ATP5PF: variants seen among roughly 807,000 people sequenced by gnomAD.
The protein encoded by ATP5PF is ATP synthase peripheral stalk subunit F6, mitochondrial.
Under a neutral mutation model 12.0 loss-of-function variants are expected in ATP5PF, and 7 were observed. The observed-to-expected ratio is 0.58, with a 90% confidence interval of 0.33 to 1.10. The LOEUF (loss-of-function observed/expected upper bound fraction) is 1.10, where lower values mean the gene tolerates loss of function less well. Among genes scored for constraint, ATP5PF ranks in the 50% least tolerant of loss-of-function variants. The pLI, the probability that ATP5PF is intolerant of heterozygous loss-of-function variation, is 0.03. For missense variants in ATP5PF, 120 were observed against 127.7 expected (o/e 0.94, Z 0.29); for synonymous variants, 41 against 45.4 (o/e 0.90, Z 0.39).
At chr21:25,727,788 G>A (rs573813810) in intron 2 of ATP5PF, among the ~76,000 whole-genome samples, 2 of 152,280 alleles carry the variant, frequency 1.3e-5, no homozygotes, top group South Asian at 2.1e-4. Flanking sequence ...GACGAGTCCT[G>A]CACATCTGGT....
intron 2 of ATP5PF, among the ~76,000 whole-genome samples, chr21:25,726,183 G>A (rs1375322521): frequency 6.6e-6 from 1 of 152,188 alleles, no homozygotes. Context: ...TCTGCTTTAA[G>A]TCAGCCATCA....
chr21:25,726,735 A>G (rs35534068), intron 2 of ATP5PF, among the ~76,000 whole-genome samples: 9,406 of 152,296 alleles, frequency 0.062, 405 homozygotes, highest in Middle Eastern at 0.14. Flanking sequence ...TAATTCTTTG[A>G]AGAAATTCTT....
chr21:25,735,017 G>C (rs1246368047), upstream of ATP5PF: 2 of 1,523,754 alleles, frequency 1.3e-6, no homozygotes, highest in Non-Finnish European at 8.9e-7. Flanking sequence ...GAGACAGTCT[G>C]CGACCGGACG....
intron 2 of ATP5PF, among the ~76,000 whole-genome samples, chr21:25,725,632 G>A (rs1260581991): frequency 6.6e-6 from 1 of 151,988 alleles, no homozygotes; most frequent in Non-Finnish European, 1.5e-5. Flanking sequence ...TAGAGAGGGG[G>A]TTTCACCATG....
intron 2 of ATP5PF, among the ~76,000 whole-genome samples, chr21:25,728,927 C>T (rs369921265): frequency 4.6e-5 from 7 of 152,200 alleles, no homozygotes; most frequent in African/African-American, 1.7e-4. Context: ...TAGCCAAGTG[C>T]TTTACACACA....
chr21:25,728,657 T>A (rs1400477387), intron 2 of ATP5PF, among the ~76,000 whole-genome samples: 2 of 152,178 alleles, frequency 1.3e-5, no homozygotes, highest in Non-Finnish European at 2.9e-5. Flanking sequence ...TTTTTTTCTT[T>A]AAACTGGGAA....
intron 1 of ATP5PF, among the ~76,000 whole-genome samples, chr21:25,730,687 T>C (rs2034739695): frequency 1.6e-5 from 2 of 126,618 alleles, no homozygotes; most frequent in Non-Finnish European, 3.1e-5. Flanking sequence ...TGAGCCGAGA[T>C]TGTGCCATTG....
At chr21:25,731,922 A>C (rs993320146) in intron 1 of ATP5PF, among the ~76,000 whole-genome samples, 30 of 152,256 alleles carry the variant, frequency 2.0e-4, no homozygotes, top group African/African-American at 7.2e-4. Flanking sequence ...CTGTCTCTAA[A>C]AAATTAGAGC....
chr21:25,734,239 G>T, intron 1 of ATP5PF: 1 of 827,618 alleles, frequency 1.2e-6, no homozygotes, highest in Non-Finnish European at 1.5e-6. Flanking sequence ...GACATGATCA[G>T]AAAGACTGGG....
chr21:25,734,524 G>A, intron 1 of ATP5PF: 1 of 549,446 alleles, frequency 1.8e-6, no homozygotes, highest in South Asian at 5.2e-5. Context: ...CGCCCGGGGC[G>A]GGTAGGCCTG....
At chr21:25,734,763 A>G in intron 1 of ATP5PF, 90 bp downstream of exon 1, 4 of 1,277,232 alleles carry the variant, frequency 3.1e-6, no homozygotes, top group Non-Finnish European at 4.3e-6. Flanking sequence ...CTCTCCTCCT[A>G]GTAAAGGTGA....
intron 1 of ATP5PF, among the ~76,000 whole-genome samples, chr21:25,733,270 T>C (rs373876440): frequency 9.9e-5 from 15 of 152,032 alleles, no homozygotes; most frequent in Admixed American, 8.5e-4. Flanking sequence ...TGGCTCACGC[T>C]TGTAATCCCA....
chr21:25,729,922 A>G, intron 1 of ATP5PF, 121 bp from the exon 2 acceptor site: 1 of 1,138,796 alleles, frequency 8.8e-7, no homozygotes, highest in Non-Finnish European at 1.2e-6. Context: ...ATCTCAGTCT[A>G]TACCTGACCA....
chr21:25,732,960 G>A (rs900506241), intron 1 of ATP5PF, among the ~76,000 whole-genome samples: 1 of 131,400 alleles, frequency 7.6e-6, no homozygotes, highest in African/African-American at 3.1e-5. Context: ...CCTCCACCCT[G>A]GGCAACAAGA....
intron 3 of ATP5PF, 32 bp downstream of exon 3, chr21:25,725,194 A>G (rs554895001): frequency 1.3e-6 from 2 of 1,587,468 alleles, no homozygotes; most frequent in Non-Finnish European, 1.7e-6. Flanking sequence ...CTTATCCCCC[A>G]CAAGAATGAA....
At chr21:25,734,077 A>C in intron 1 of ATP5PF, among the ~76,000 whole-genome samples, 1 of 152,176 alleles carries the variant, frequency 6.6e-6, no homozygotes, top group Non-Finnish European at 1.5e-5. Context: ...CTTCTCCTTT[A>C]ATCCCTTTCA....
At chr21:25,732,132 G>GT (rs984707773) in intron 1 of ATP5PF, among the ~76,000 whole-genome samples, 1 of 152,108 alleles carries the variant, frequency 6.6e-6, no homozygotes, top group Non-Finnish European at 1.5e-5. Flanking sequence ...GAAGAAGTGA[G>GT]TTTTTTTCTC....
In ATP5PF at chr21:25,732,086, C is replaced by A. The variant is rs73338270; in HGVS notation, c.-7-2285G>T. On this transcript the variant is annotated intron_variant, in intron 1 of 3. Transcript: ENST00000284971. ...AGCACTAGCTAGAAAACTGTAGAGT[C>A]GCACAATAGTTCTCAAAATAGGGTT... Among the ~76,000 whole-genome samples the A allele has an allele frequency of 9.5e-3, 1,442 of 152,186 alleles. 25 individuals are homozygous for A. Among genetic ancestry groups the A allele is most frequent in the African/African-American group, 0.033 (1,380 of 41,506 alleles).
chr21:25,726,774 C>T (rs1337472948), intron 2 of ATP5PF, among the ~76,000 whole-genome samples: 1 of 152,148 alleles, frequency 6.6e-6, no homozygotes, highest in African/African-American at 2.4e-5. Context: ...CTACTGCCTA[C>T]CTAGCAATGA....
Sources: gnomAD v4.1 joint callset for allele counts (sites outside exome capture counted in the v4.1 genomes callset) on GRCh38, gnomAD v4.1.1 for gene constraint, MANE v1.5 for transcripts, NCBI Gene and HGNC (gene_info 2026-07-23, HGNC 2026-07-21) for gene names.